Variants in SMARCAD1 observed in about 807,000 individuals in gnomAD.
SMARCAD1 encodes the protein SNF2 related chromatin remodeling ATPase with DExD box 1, also known as SWI/SNF-related matrix-associated actin-dependent regulator of chromatin subfamily A containing DEAD/H box 1.
Under a neutral mutation model 127.1 loss-of-function variants are expected in SMARCAD1, and 25 were observed. The ratio of observed to expected loss-of-function variants is 0.20; its 90% CI spans 0.14 to 0.27. The LOEUF is 0.27. SMARCAD1 is among the 10% of genes least tolerant of loss of function. SMARCAD1 has a pLI of 1.00. For synonymous variants in SMARCAD1, 400 were observed against 396.9 expected, an observed-to-expected ratio of 1.01 and a Z score of -0.09; for missense variants, 807 against 1,206.0, an observed-to-expected ratio of 0.67 and a Z score of 4.90.
intron 2 of SMARCAD1, 23 bp downstream of exon 2, chr4:94,208,607 A>G (rs773545053): frequency 6.2e-7 from 1 of 1,603,500 alleles, no homozygotes; most frequent in Non-Finnish European, 8.5e-7. Flanking sequence ...GTTAAAATTG[A>G]TGTAACATCA....
At chr4:94,245,912 G>A (rs948638996) in intron 6 of SMARCAD1, among the ~76,000 whole-genome samples, 1 of 152,172 alleles carries the variant, frequency 6.6e-6, no homozygotes, top group African/African-American at 2.4e-5. Flanking sequence ...AAGAGGACAT[G>A]ATGACCTTTC....
chr4:94,258,465 C>G (rs1288794946), intron 9 of SMARCAD1, among the ~76,000 whole-genome samples: 3 of 152,084 alleles, frequency 2.0e-5, no homozygotes, highest in Non-Finnish European at 2.9e-5. Flanking sequence ...CTCTGGTAAT[C>G]TGTCAGTTTC....
intron 16 of SMARCAD1, 78 bp downstream of exon 16, chr4:94,277,237 G>C: frequency 6.5e-7 from 1 of 1,543,022 alleles, no homozygotes; most frequent in East Asian, 2.3e-5. Flanking sequence ...GGTCTCTTTT[G>C]TTGTTTTCAT....
Position 94,290,090 on chromosome 4 carries a change from C to T in SMARCAD1, c.*556C>T, listed in dbSNP as rs1236649822. On this transcript the variant is annotated 3_prime_UTR_variant, in exon 24 of 24. Transcript: ENST00000354268. ...GAACTCAACCTGAATTTAAAGGTGG[C>T]ATTCCATATACTAACATCCCCCAGG... is the stretch of plus-strand genomic sequence containing the variant. 2.2e-6 allele frequency: 1 copy of T among 454,460 alleles called. No homozygotes were observed. The highest frequency in any genetic ancestry group is 4.4e-6 in the Non-Finnish European group (1 of 226,760). 28.2% of individuals were successfully genotyped at this position (454,460 alleles called of 1,614,324 possible). A position where few individuals can be genotyped will look rare whatever the true frequency, so the allele number is the denominator to read the frequency against.
chr4:94,265,344 C>G (rs1253149559), intron 10 of SMARCAD1, among the ~76,000 whole-genome samples: 2 of 151,744 alleles, frequency 1.3e-5, no homozygotes, highest in Non-Finnish European at 1.5e-5. Context: ...ATATCCCATA[C>G]TGTGATGAAA....
intron 6 of SMARCAD1, among the ~76,000 whole-genome samples, chr4:94,244,854 C>T (rs1008950982): frequency 6.6e-6 from 1 of 152,006 alleles, no homozygotes; most frequent in Non-Finnish European, 1.5e-5. Context: ...TTCCTTTTGC[C>T]TCCAAAAACC....
At chr4:94,212,959 C>G in intron 2 of SMARCAD1, 1 of 704,542 alleles carries the variant, frequency 1.4e-6, no homozygotes, top group Middle Eastern at 2.9e-4. Context: ...TTTTACTCTT[C>G]TCGGTGCCCA....
chr4:94,245,461 C>T (rs927152465), intron 6 of SMARCAD1, among the ~76,000 whole-genome samples: 1 of 152,184 alleles, frequency 6.6e-6, no homozygotes, highest in Admixed American at 6.5e-5. Flanking sequence ...TGGAACCGTA[C>T]AGGCAGCTTT....
At chr4:94,209,187 G>C (rs137934376) in intron 2 of SMARCAD1, among the ~76,000 whole-genome samples, 1 of 152,190 alleles carries the variant, frequency 6.6e-6, no homozygotes, top group Non-Finnish European at 1.5e-5. Context: ...ATTTCCACTC[G>C]AATCTATGTT....
At position 94,277,214 on chromosome 4, in the gene SMARCAD1, C is replaced by T. The variant is rs530780207; in HGVS notation, c.2082+55C>T. 60 of 1,593,040 alleles carry T rather than the reference C, an allele frequency of 3.8e-5. No individual in the cohort carries two copies. In the East Asian group the frequency reaches 1.3e-3, roughly 33 times the overall value. ...TATGTTATTTGTGTTTTATCTGGGCCATTCTTCTGTTAGGTCTCTTTTGTT... is the reference window on the plus strand; with the variant it reads ...TATGTTATTTGTGTTTTATCTGGGCTATTCTTCTGTTAGGTCTCTTTTGTT... On this transcript the variant is annotated intron_variant, in intron 16 of 23. Coordinates refer to ENST00000354268, the MANE Select transcript of SMARCAD1 (RefSeq NM_020159.5).
In SMARCAD1 at chr4:94,264,093, T is replaced by C. The variant is rs1023346131; in HGVS notation, c.1282-614T>C. Among the ~76,000 whole-genome samples the C allele has an allele frequency of 5.3e-5, 8 of 152,068 alleles. No homozygotes were observed. In the South Asian group the frequency reaches 1.7e-3, roughly 31 times the overall value. On this transcript the variant is annotated intron_variant, in intron 9 of 23. Coordinates refer to ENST00000354268, the MANE Select transcript of SMARCAD1 (RefSeq NM_020159.5). ...TTAAAAACCTTATCTAATTATTGAATTGGTCATAGTTAACTTTTGATTCAT... is the reference window on the plus strand; with the variant it reads ...TTAAAAACCTTATCTAATTATTGAACTGGTCATAGTTAACTTTTGATTCAT...
chr4:94,232,468 C>T (rs1745989992), intron 3 of SMARCAD1, among the ~76,000 whole-genome samples: 1 of 152,096 alleles, frequency 6.6e-6, no homozygotes. Flanking sequence ...TATAGAGAGG[C>T]ATAATGAAAA....
At chr4:94,280,515 C>G in intron 19 of SMARCAD1, 77 bp from the exon 20 acceptor site, 2 of 1,255,284 alleles carry the variant, frequency 1.6e-6, no homozygotes, top group Non-Finnish European at 1.1e-6. Flanking sequence ...CAGGTATAAA[C>G]AGTTTTATTA....
Position 94,289,955 on chromosome 4 carries a change from T to C in SMARCAD1, c.*421T>C. 1 of 454,552 alleles carries C rather than the reference T, an allele frequency of 2.2e-6. No homozygotes were observed. Among genetic ancestry groups the C allele is most frequent in the Non-Finnish European group, 4.4e-6 (1 of 227,012 alleles). 28.2% of individuals were successfully genotyped at this position (454,552 alleles called of 1,614,324 possible). ...TTTGACAATGCTTATGTCTTGTTTT[T>C]GCTTGTCTCATTTGAAGTTCTTTTT... On this transcript the variant is annotated 3_prime_UTR_variant, in exon 24 of 24. Transcript: ENST00000354268.
Position 94,281,519 on chromosome 4 carries a change from C to G in SMARCAD1, c.2655C>G (p.Ile885Met), listed in dbSNP as rs1754021738. Residue 885 changes from isoleucine (I) to methionine (M), a missense_variant, in exon 21 of 24, where the codon ATC (isoleucine) becomes ATG (methionine). By Grantham distance (10) the Ile-to-Met change is conservative. Around this residue, in one of 8 missense-constraint regions of SMARCAD1, gnomAD observed 44 missense variants for 119.1 expected, o/e 0.37. Transcript: ENST00000354268. ...GCCAATTTACCATGATGCTGGATAT[C>G]TTAGAGGTTCTATTAAAACATCATC... ...LFSQFTMMLD[I>M]LEVLLKHHQH... 1.2e-6 allele frequency: 2 copies of G among 1,613,266 alleles called. No homozygotes were observed. Among genetic ancestry groups the G allele is most frequent in the Non-Finnish European group, 8.5e-7 (1 of 1,179,492 alleles).
chr4:94,282,781 G>A (rs890612994), intron 21 of SMARCAD1, among the ~76,000 whole-genome samples: 4 of 151,940 alleles, frequency 2.6e-5, no homozygotes, highest in Non-Finnish European at 5.9e-5. Flanking sequence ...TTGTCTGCCA[G>A]TAGGAGCCGA....
chr4:94,249,512 A>G (rs1748950051), intron 6 of SMARCAD1, 142 bp from the exon 7 acceptor site: 1 of 628,200 alleles, frequency 1.6e-6, no homozygotes, highest in Admixed American at 2.7e-5. Context: ...GTCAATGTTC[A>G]CAGAAACAAA....
intron 14 of SMARCAD1, 39 bp downstream of exon 14, chr4:94,275,004 C>A: frequency 7.2e-7 from 1 of 1,383,918 alleles, no homozygotes; most frequent in Non-Finnish European, 1.0e-6. Context: ...GATATTTATG[C>A]AGCCCCCAAA....
chr4:94,209,347 C>CCGAG (rs2125776942), intron 2 of SMARCAD1, among the ~76,000 whole-genome samples: 1 of 152,244 alleles, frequency 6.6e-6, no homozygotes, highest in South Asian at 2.1e-4. Flanking sequence ...AAATGAGATT[C>CCGAG]AGAGAGGTTA....
Sources: gnomAD v4.1 joint callset for allele counts (sites outside exome capture counted in the v4.1 genomes callset) on GRCh38, gnomAD v4.1.1 for gene constraint, gnomAD v4.1.1 regional missense constraint, MANE v1.5 for transcripts, NCBI Gene and HGNC (gene_info 2026-07-23, HGNC 2026-07-21) for gene names.